NTRK3: variants seen among roughly 807,000 people sequenced by gnomAD.
The protein encoded by NTRK3 is NT-3 growth factor receptor.
In NTRK3, 24 loss-of-function variants were observed where a neutral mutation model predicts 91.7. The ratio of observed to expected loss-of-function variants is 0.26; its 90% confidence interval spans 0.19 to 0.37. The LOEUF (loss-of-function observed/expected upper bound fraction) is 0.37. NTRK3 is among the 10% of genes least tolerant of loss of function. The probability of loss-of-function intolerance (pLI) is 1.00; values close to 1 mark genes in which losing one functional copy is unlikely to be tolerated. For synonymous variants in NTRK3, 483 were observed against 404.0 expected (o/e 1.20, Z -2.34); for missense variants, 880 against 1,068.9 (o/e 0.82, Z 2.46).
At chr15:88,092,727 G>A (rs1476458762) in intron 13 of NTRK3, among the ~76,000 whole-genome samples, 3 of 152,202 alleles carry the variant, frequency 2.0e-5, no homozygotes, top group African/African-American at 7.2e-5. Flanking sequence ...TCTGCTCCTT[G>A]TCTGTTTCAG....
chr15:88,162,829 C>T (rs899095955), intron 5 of NTRK3, among the ~76,000 whole-genome samples: 4 of 152,146 alleles, frequency 2.6e-5, no homozygotes, highest in African/African-American at 9.7e-5. Flanking sequence ...GTACCTCCCA[C>T]CCAGCCTTTC....
At chr15:88,057,072 G>A (rs1048942280) in intron 13 of NTRK3, among the ~76,000 whole-genome samples, 8 of 151,248 alleles carry the variant, frequency 5.3e-5, no homozygotes, top group African/African-American at 1.9e-4. Flanking sequence ...GGGAGGCTGA[G>A]GCAGGAGAAT....
intron 17 of NTRK3, among the ~76,000 whole-genome samples, chr15:87,904,870 G>A (rs1037968825): frequency 6.6e-6 from 1 of 152,198 alleles, no homozygotes; most frequent in African/African-American, 2.4e-5. Context: ...TATTTTAGAA[G>A]AAAAGCTAAT....
intron 3 of NTRK3, among the ~76,000 whole-genome samples, chr15:88,197,611 C>A (rs2047945425): frequency 6.6e-6 from 1 of 152,198 alleles, no homozygotes; most frequent in Non-Finnish European, 1.5e-5. Flanking sequence ...GTGTCCAAAC[C>A]ATTGCACTAC....
rs2043651771 is a variant in NTRK3, at chr15:88,154,049, A to T, written c.396-6646T>A. Among the ~76,000 whole-genome samples, 4 of 149,914 alleles carry T rather than the reference A, an allele frequency of 2.7e-5. 1 individual carries two copies. Among genetic ancestry groups the T allele is most frequent in the Admixed American group, 1.3e-4 (2 of 14,988 alleles). On this transcript the variant is annotated intron_variant, in intron 5 of 18. Transcript: ENST00000394480. ...AAGAGTGCTGTTCTAGACCAGAACT[A>T]ATTAAGAATCTGCAAGAAAAGAGAA...
intron 3 of NTRK3, among the ~76,000 whole-genome samples, chr15:88,236,180 A>C (rs1021537496): frequency 1.3e-5 from 2 of 152,208 alleles, no homozygotes; most frequent in South Asian, 4.1e-4. Context: ...AATACTCCAA[A>C]ACTAGAAACA....
Position 88,178,939 on chromosome 15 carries a change from C to T in NTRK3, c.395+4479G>A, listed in dbSNP as rs184926858. The stretch of plus-strand genomic sequence containing the variant: ...TGCTGTGAAAACCAGAGAGAAAAAA[C>T]GCTCCTGGGACGTAAAAAAGTACAC... On this transcript the variant is annotated intron_variant, in intron 5 of 18. Coordinates refer to ENST00000394480, the Ensembl canonical transcript of NTRK3. 2.9e-3 allele frequency among the ~76,000 whole-genome samples: 448 copies of T among 152,288 alleles called. 2 individuals carry two copies. Among genetic ancestry groups the T allele is most frequent in the Non-Finnish European group, 5.0e-3 (340 of 68,022 alleles).
intron 3 of NTRK3, among the ~76,000 whole-genome samples, chr15:88,250,936 A>C (rs1457256697): frequency 3.3e-5 from 5 of 152,218 alleles, no homozygotes; most frequent in Non-Finnish European, 7.3e-5. Context: ...TTCTTCTCAC[A>C]CCCAGTGGAG....
Position 87,902,524 on chromosome 15 carries a change from A to G in NTRK3, c.2134-22096T>C, listed in dbSNP as rs368098372. Among the ~76,000 whole-genome samples the G allele has an allele frequency of 1.6e-3, 248 of 152,304 alleles. 7 individuals are homozygous for G. The South Asian group carries it at 0.048, about 29-fold the overall frequency. On this transcript the variant is annotated intron_variant, in intron 17 of 18. Transcript: ENST00000394480. ...AAGAGAGAGGCAGAGAATGATGATG[A>G]AATTATGGAAAGAAGTCAGAGTAGA...
intron 17 of NTRK3, chr15:87,916,414 C>A: frequency 1.5e-6 from 1 of 668,076 alleles, no homozygotes. Flanking sequence ...AATGACTCAA[C>A]ACCAGATTCA....
intron 18 of NTRK3, 118 bp downstream of exon 19, chr15:87,880,152 A>ATTCACTCT: frequency 7.7e-7 from 1 of 1,306,934 alleles, no homozygotes; most frequent in Non-Finnish European, 1.1e-6. Context: ...TAATGCCTGC[A>ATTCACTCT]TTCACTCTGC....
At chr15:88,113,072 C>T (rs887777805) in intron 13 of NTRK3, among the ~76,000 whole-genome samples, 5 of 152,128 alleles carry the variant, frequency 3.3e-5, no homozygotes, top group Non-Finnish European at 7.3e-5. Flanking sequence ...CTTTCTTCCC[C>T]AAGTCTGCAT....
At chr15:87,863,978 C>CACACACACACACAT (rs1438656437) in exon 19 of NTRK3, 3,199 of 192,134 alleles carry the variant, frequency 0.017, 73 homozygotes, top group African/African-American at 0.06. Context: ...GCAAAATACA[C>CACACACACACACAT]ACACACACAC....
chr15:87,986,478 T>G (rs1375662100), intron 14 of NTRK3, among the ~76,000 whole-genome samples: 1 of 152,238 alleles, frequency 6.6e-6, no homozygotes, highest in African/African-American at 2.4e-5. Flanking sequence ...TAGCTGATTA[T>G]CCTTTTCAGG....
intron 13 of NTRK3, among the ~76,000 whole-genome samples, chr15:88,102,378 A>G (rs1008895077): frequency 3.9e-5 from 6 of 152,194 alleles, no homozygotes; most frequent in Non-Finnish European, 8.8e-5. Context: ...AAAGAAAAAG[A>G]AACTTGCAGG....
At chr15:88,043,549 C>A (rs983740385) in intron 13 of NTRK3, among the ~76,000 whole-genome samples, 1 of 152,170 alleles carries the variant, frequency 6.6e-6, no homozygotes, top group Non-Finnish European at 1.5e-5. Flanking sequence ...AGTCCTCATG[C>A]CTCCACCCAC....
intron 14 of NTRK3, among the ~76,000 whole-genome samples, chr15:87,988,646 T>G (rs1030316445): frequency 6.6e-6 from 1 of 152,238 alleles, no homozygotes; most frequent in African/African-American, 2.4e-5. Flanking sequence ...TTTAATGGTG[T>G]TTAGGGAAGA....
At chr15:88,090,362 G>A (rs1447585022) in intron 13 of NTRK3, among the ~76,000 whole-genome samples, 10 of 152,122 alleles carry the variant, frequency 6.6e-5, no homozygotes, top group East Asian at 1.9e-4. Flanking sequence ...CCCAGTGCAC[G>A]CTCAAAAATG....
chr15:87,941,252 T>C (rs999209493), intron 14 of NTRK3, among the ~76,000 whole-genome samples: 2 of 152,190 alleles, frequency 1.3e-5, no homozygotes, highest in Non-Finnish European at 2.9e-5. Flanking sequence ...CAGGTTGGAA[T>C]CCTGGGTCCA....
Sources: allele counts gnomAD v4.1 joint callset (sites outside exome capture counted in the v4.1 genomes callset), GRCh38; gene constraint gnomAD v4.1.1; transcripts MANE v1.5; gene names NCBI Gene and HGNC (gene_info 2026-07-23, HGNC 2026-07-21).